TRIM33: variants seen among roughly 807,000 people sequenced by gnomAD.
TRIM33 encodes the protein E3 ubiquitin-protein ligase TRIM33.
TRIM33 carries 20 observed loss-of-function variants against 125.4 expected under a neutral mutation model. That is an observed-to-expected ratio of 0.16 (90% confidence interval 0.11 to 0.23). The LOEUF is 0.23. Among genes scored for constraint, TRIM33 ranks in the 10% least tolerant of loss-of-function variants. The pLI is 1.00. For missense variants in TRIM33, 920 were observed against 1,411.4 expected, an observed-to-expected ratio of 0.65 and a Z score of 5.58; for synonymous variants, 564 against 513.9, an observed-to-expected ratio of 1.10 and a Z score of -1.32.
chr1:114,427,916 G>A (rs533393371), intron 6 of TRIM33, 22 bp from the exon 7 acceptor site: 40 of 1,610,022 alleles, frequency 2.5e-5, no homozygotes, highest in South Asian at 8.8e-5. Flanking sequence ...CAAGAGCTTC[G>A]CTGTAGAATT....
At chr1:114,496,177 G>C (rs1652358557) in intron 1 of TRIM33, among the ~76,000 whole-genome samples, 1 of 152,212 alleles carries the variant, frequency 6.6e-6, no homozygotes, top group South Asian at 2.1e-4. Context: ...AACTGATGGG[G>C]ATCTTTTGAC....
intron 13 of TRIM33, 101 bp from the exon 14 acceptor site, chr1:114,407,201 A>G: frequency 3.0e-6 from 3 of 989,208 alleles, no homozygotes; most frequent in Non-Finnish European, 4.4e-6. Flanking sequence ...AAGACAATAG[A>G]CAATTAACTT....
intron 4 of TRIM33, among the ~76,000 whole-genome samples, chr1:114,439,802 A>G (rs1648543010): frequency 6.6e-6 from 1 of 152,196 alleles, no homozygotes; most frequent in Non-Finnish European, 1.5e-5. Flanking sequence ...CAACCAGAAG[A>G]GAAAAAAGAT....
intron 1 of TRIM33, among the ~76,000 whole-genome samples, chr1:114,487,623 C>G (rs971779122): frequency 1.3e-5 from 2 of 151,788 alleles, no homozygotes; most frequent in Admixed American, 1.3e-4. Flanking sequence ...ATAGGCCGGG[C>G]GCGGTGGCTC....
At chr1:114,404,479 C>T (rs1652109743) in intron 15 of TRIM33, 3 of 152,142 alleles carry the variant, frequency 2.0e-5, no homozygotes, top group Admixed American at 2.0e-4. Context: ...CCTTTCAAAG[C>T]ATTTGCTATT....
At chr1:114,402,425 G>A (rs889790187) in intron 16 of TRIM33, among the ~76,000 whole-genome samples, 1 of 152,144 alleles carries the variant, frequency 6.6e-6, no homozygotes, top group African/African-American at 2.4e-5. Context: ...CTGAGCAACA[G>A]AAATGAATGG....
intron 1 of TRIM33, among the ~76,000 whole-genome samples, chr1:114,476,012 C>T (rs527802528): frequency 3.3e-5 from 5 of 151,400 alleles, no homozygotes; most frequent in South Asian, 2.1e-4. Context: ...AATAATAATA[C>T]GGAAAAATTA....
chr1:114,471,305 G>C (rs1650634690), intron 1 of TRIM33, among the ~76,000 whole-genome samples: 1 of 152,080 alleles, frequency 6.6e-6, no homozygotes, highest in Non-Finnish European at 1.5e-5. Context: ...GCTGGGTGTG[G>C]TGGCGTGCAC....
rs886893055 is a variant in TRIM33 at position 114,395,562 on chromosome 1, C to A, written c.*2086G>T. On this transcript the variant is annotated 3_prime_UTR_variant, in exon 20 of 20. Coordinates refer to ENST00000358465, the MANE Select transcript of TRIM33 (RefSeq NM_015906.4). ...TTATACTGCTGCTATTCCTCACTTT[C>A]CAAAAATGTGCCCTTAGATATATGT... The A allele has an allele frequency of 5.0e-6, 1 of 200,678 alleles. No individual in the cohort carries two copies. The highest frequency in any genetic ancestry group is 1.0e-5 in the Non-Finnish European group (1 of 97,392). 12.4% of individuals were successfully genotyped at this position (200,678 alleles called of 1,614,324 possible). A position where few individuals can be genotyped will look rare whatever the true frequency, so the allele number is the denominator to read the frequency against.
At chr1:114,455,621 GT>G (rs1473889112) in intron 4 of TRIM33, among the ~76,000 whole-genome samples, 4 of 152,148 alleles carry the variant, frequency 2.6e-5, no homozygotes, top group African/African-American at 4.8e-5. Context: ...TCTACAGATG[GT>G]TGTTTTAAAA....
intron 1 of TRIM33, among the ~76,000 whole-genome samples, chr1:114,470,415 T>C (rs1019556502): frequency 2.6e-5 from 4 of 152,200 alleles, no homozygotes; most frequent in African/African-American, 9.6e-5. Flanking sequence ...ACTACTGTAA[T>C]TGTTTTGAGG....
chr1:114,452,602 A>G (rs139589031), intron 4 of TRIM33, among the ~76,000 whole-genome samples: 2,430 of 152,140 alleles, frequency 0.016, 53 homozygotes, highest in African/African-American at 0.056. Flanking sequence ...AGTTGACTCA[A>G]GAAGAGATGG....
At chr1:114,457,350 G>A (rs1347016354) in intron 4 of TRIM33, among the ~76,000 whole-genome samples, 8 of 152,072 alleles carry the variant, frequency 5.3e-5, no homozygotes, top group Non-Finnish European at 1.2e-4. Flanking sequence ...CAACCACTAG[G>A]ATTTTTGGAC....
intron 1 of TRIM33, among the ~76,000 whole-genome samples, chr1:114,501,754 T>C (rs1446220684): frequency 7.9e-5 from 12 of 152,110 alleles, no homozygotes; most frequent in Non-Finnish European, 2.9e-5. Context: ...AAACAAAAAA[T>C]GTAAGCAATC....
chr1:114,498,969 G>A (rs182735846), intron 1 of TRIM33, among the ~76,000 whole-genome samples: 17 of 152,186 alleles, frequency 1.1e-4, no homozygotes, highest in Non-Finnish European at 2.2e-4. Context: ...ATAAATAGAT[G>A]AAGAGATCCA....
intron 4 of TRIM33, among the ~76,000 whole-genome samples, chr1:114,461,302 T>TATTTTA (rs1191905401): frequency 7.5e-5 from 11 of 146,574 alleles, no homozygotes; most frequent in African/African-American, 2.5e-4. Context: ...TTATATATTA[T>TATTTTA]ATTTTATATT....
Position 114,463,109 on chromosome 1 carries a change from T to A in TRIM33, c.918A>T (p.Glu306Asp). Residue 306 changes from glutamate to aspartate, a missense_variant, in exon 4 of 20, where the codon GAA (glutamate) becomes GAT (aspartate). Glu to Asp is a conservative substitution (Grantham distance 45). Around this residue, in one of 8 missense-constraint regions of TRIM33, gnomAD observed 50 missense variants for 110.8 expected, o/e 0.45. Coordinates refer to ENST00000358465, the MANE Select transcript of TRIM33 (RefSeq NM_015906.4). ...AGCAATTATGATTTCTGTACCTATG[T>A]TCTTTGTGTTCCAATAGCTGACAGT... is the stretch of plus-strand genomic sequence containing the variant. ...CRDCQLLEHK[E>D]HRYQFLEEAF... 6.3e-7 allele frequency: 1 copy of A among 1,599,106 alleles called. No individual in the cohort carries two copies. Among genetic ancestry groups the A allele is most frequent in the Non-Finnish European group, 8.5e-7 (1 of 1,175,950 alleles).
intron 1 of TRIM33, among the ~76,000 whole-genome samples, chr1:114,467,012 G>A (rs989904780): frequency 1.3e-5 from 2 of 152,158 alleles, no homozygotes; most frequent in South Asian, 2.1e-4. Flanking sequence ...ATTGAGGTTC[G>A]GAGAGATTAA....
intron 1 of TRIM33, among the ~76,000 whole-genome samples, chr1:114,484,299 T>C (rs1380346638): frequency 1.3e-5 from 2 of 152,174 alleles, no homozygotes; most frequent in African/African-American, 2.4e-5. Flanking sequence ...TGCCCACGTT[T>C]TACTTTTTCT....
Sources: gnomAD v4.1 joint callset for allele counts (sites outside exome capture counted in the v4.1 genomes callset) on GRCh38, gnomAD v4.1.1 for gene constraint, gnomAD v4.1.1 regional missense constraint, MANE v1.5 for transcripts, NCBI Gene and HGNC (gene_info 2026-07-23, HGNC 2026-07-21) for gene names.